CTXN2: variants seen among roughly 807,000 people sequenced by gnomAD.
CTXN2 encodes the protein cortexin 2, also known as cortexin-2.
CTXN2 carries 3 observed loss-of-function variants against 5.7 expected under a neutral mutation model. That is an observed-to-expected ratio of 0.53 (90% CI 0.24 to 1.36). CTXN2 has a LOEUF of 1.36. Ranked by LOEUF, CTXN2 falls within the 40% of genes most tolerant of loss-of-function variation. The pLI is 0.17. For synonymous variants in CTXN2, 38 were observed against 36.4 expected, an observed-to-expected ratio of 1.04 and a Z score of -0.16; for missense variants, 87 against 93.0, an observed-to-expected ratio of 0.94 and a Z score of 0.26.
At chr15:48,196,102 C>T (rs2040876781) in intron 1 of CTXN2, among the ~76,000 whole-genome samples, 1 of 152,062 alleles carries the variant, frequency 6.6e-6, no homozygotes, top group Non-Finnish European at 1.5e-5. Context: ...CACCCCTATT[C>T]AATTTAAGAC....
intron 1 of CTXN2, among the ~76,000 whole-genome samples, chr15:48,193,428 C>G (rs2040844494): frequency 6.6e-6 from 1 of 152,112 alleles, no homozygotes; most frequent in Non-Finnish European, 1.5e-5. Context: ...ACTTTTACCA[C>G]TACCCAATTT....
chr15:48,191,605 TG>T (rs888776892), upstream of CTXN2: 137 of 425,992 alleles, frequency 3.2e-4, no homozygotes, highest in African/African-American at 2.7e-3. Flanking sequence ...AAGAAATCCA[TG>T]CACGTTTTCC....
rs2040691804 is a variant in CTXN2 at position 48,180,471 on chromosome 15, G to A, written c.-455+2071G>A. ...TATTCTGTTGCTGAATTCCATTTCT[G>A]TATTTGCTTGTCTTCCTCTCTACTG... On this transcript the variant is annotated intron_variant, in intron 1 of 2. Coordinates refer to the CTXN2 transcript ENST00000644354. 2.0e-5 allele frequency among the ~76,000 whole-genome samples: 3 copies of A among 152,112 alleles called. No homozygotes were observed. The South Asian group carries it at 6.2e-4, about 31-fold the overall frequency.
At chr15:48,200,900 G>A (rs1471257064) in intron 1 of CTXN2, among the ~76,000 whole-genome samples, 5 of 152,086 alleles carry the variant, frequency 3.3e-5, no homozygotes, top group Non-Finnish European at 7.4e-5. Context: ...GCAAATATGA[G>A]GTGAAAATTA....
chr15:48,185,634 C>A (rs1223479298), intron 1 of CTXN2, among the ~76,000 whole-genome samples: 1 of 152,118 alleles, frequency 6.6e-6, no homozygotes, highest in Non-Finnish European at 1.5e-5. Flanking sequence ...ACATTTAGAA[C>A]TTCACAAATT....
At position 48,201,870 on chromosome 15, in the gene CTXN2, C is replaced by T; in HGVS notation, c.*324C>T. 3.4e-6 allele frequency: 1 copy of T among 295,758 alleles called. No homozygotes were observed. Among genetic ancestry groups the T allele is most frequent in the South Asian group, 5.0e-5 (1 of 19,860 alleles). The allele number at this position is 295,758 out of a possible 1,614,324, so 18.3% of individuals were successfully genotyped here. Reference sequence around the variant, plus strand: ...AATAAACTGTGCCAAAGGCATCTTGCTCTCTCCCCTCTGAAAAGCCCAGGC... The same window carrying T: ...AATAAACTGTGCCAAAGGCATCTTGTTCTCTCCCCTCTGAAAAGCCCAGGC... On this transcript the variant is annotated 3_prime_UTR_variant, in exon 2 of 2. Coordinates refer to ENST00000417307, the MANE Select transcript of CTXN2 (RefSeq NM_001145668.2).
intron 1 of CTXN2, among the ~76,000 whole-genome samples, chr15:48,183,077 T>C (rs1439359998): frequency 6.6e-6 from 1 of 152,166 alleles, no homozygotes; most frequent in Admixed American, 6.5e-5. Flanking sequence ...AGAATTTAGA[T>C]TGAAATACTA....
At chr15:48,189,209 G>A (rs1330711628), upstream of CTXN2, 3 of 152,100 alleles carry the variant, frequency 2.0e-5, no homozygotes, top group East Asian at 5.8e-4. Context: ...AGCATTAATG[G>A]GAAACGCTAG....
chr15:48,191,685 C>G lies in CTXN2; in HGVS notation c.-226C>G, dbSNP rs1049437148. 1 of 455,754 alleles carries G rather than the reference C, an allele frequency of 2.2e-6. No individual in the cohort carries two copies. Among genetic ancestry groups the G allele is most frequent in the African/African-American group, 2.0e-5 (1 of 50,032 alleles). The allele number at this position is 455,754 out of a possible 1,614,324, so 28.2% of individuals were successfully genotyped here. On this transcript the variant is annotated 5_prime_UTR_variant, in exon 1 of 2. Transcript: ENST00000417307. ...CCTCTGTCTCACCAACAGACACAGA[C>G]ATTTACACTTCTAGGCCAGGAAAGC...
intron 1 of CTXN2, 54 bp from the exon 2 acceptor site, chr15:48,201,190 C>T: frequency 1.8e-6 from 2 of 1,091,090 alleles, no homozygotes; most frequent in Non-Finnish European, 2.6e-6. Context: ...TAAGCAACAA[C>T]CTACCCAATA....
chr15:48,201,434 T>C lies in CTXN2; in HGVS notation c.134T>C (p.Ile45Thr), dbSNP rs1273320264. Residue 45 changes from isoleucine to threonine, a missense_variant, in exon 2 of 2, where the codon ATT becomes ACT. Physicochemically the swap from Ile to Thr is moderately conservative, Grantham distance 89. Transcript: ENST00000417307. The stretch of plus-strand genomic sequence containing the variant: ...TTGTGTATCTTCTTGGGACTTCTTA[T>C]TATCCGATGCTTCAAAATCCTGCTA... ...GILCIFLGLLIIRCFKILLDP... is the reference protein window; with the variant it reads ...GILCIFLGLLTIRCFKILLDP... 1 of 1,551,418 alleles carries C rather than the reference T, an allele frequency of 6.4e-7. No individual in the cohort carries two copies. Among genetic ancestry groups the C allele is most frequent in the Non-Finnish European group, 8.7e-7 (1 of 1,146,768 alleles).
upstream of CTXN2, chr15:48,189,555 A>T (rs1010989368): frequency 2.0e-5 from 3 of 152,204 alleles, no homozygotes; most frequent in Non-Finnish European, 4.4e-5. Flanking sequence ...GGAAATACAG[A>T]CTCAACTATA....
upstream of CTXN2, among the ~76,000 whole-genome samples, chr15:48,188,739 A>G (rs1251613736): frequency 2.0e-5 from 3 of 152,206 alleles, no homozygotes; most frequent in Non-Finnish European, 4.4e-5. Flanking sequence ...AGTATAGATT[A>G]TCCACATGTG....
intron 1 of CTXN2, among the ~76,000 whole-genome samples, chr15:48,182,620 T>C (rs1193330286): frequency 1.3e-5 from 2 of 152,244 alleles, no homozygotes; most frequent in Admixed American, 6.5e-5. Flanking sequence ...GCAGAATATA[T>C]ATATGTGTGT....
In CTXN2 at chr15:48,203,529, T is replaced by C. The variant is rs2040943938; in HGVS notation, c.*1983T>C. The C allele has an allele frequency of 6.0e-6, 1 of 166,884 alleles. No individual in the cohort carries two copies. The highest frequency in any genetic ancestry group is 6.6e-5 in the Admixed American group (1 of 15,254). 10.3% of individuals were successfully genotyped at this position (166,884 alleles called of 1,614,324 possible). On this transcript the variant is annotated 3_prime_UTR_variant, in exon 2 of 2. Coordinates refer to ENST00000417307, the MANE Select transcript of CTXN2 (RefSeq NM_001145668.2). ...ACCAAGGCTTTTAAAGTACCAGATG[T>C]TTCATTTGTCTCCCAGAGAAGACAC...
At chr15:48,196,702 A>G (rs948893809) in intron 1 of CTXN2, among the ~76,000 whole-genome samples, 1 of 152,132 alleles carries the variant, frequency 6.6e-6, no homozygotes, top group Non-Finnish European at 1.5e-5. Context: ...GGCATTACCT[A>G]TTAAACTCAT....
upstream of CTXN2, chr15:48,189,915 T>G (rs1470839907): frequency 1.3e-5 from 2 of 152,288 alleles, no homozygotes; most frequent in Non-Finnish European, 2.9e-5. Flanking sequence ...TTCAAGTGAT[T>G]CTCCTGCCTC....
rs191748978 is a variant in CTXN2, at chr15:48,201,727, C to G, written c.*181C>G. 1.3e-4 allele frequency: 83 copies of G among 661,840 alleles called. No individual in the cohort carries two copies. The East Asian group carries it at 2.2e-3, about 18-fold the overall frequency. The allele number at this position is 661,840 out of a possible 1,614,324, so 41.0% of individuals were successfully genotyped here. ...ACTATTGTTGGGATTCCTCACTTTC[C>G]TCTGTTCCCACTTAGAGGTTTCCAA... On this transcript the variant is annotated 3_prime_UTR_variant, in exon 2 of 2. Coordinates refer to ENST00000417307, the MANE Select transcript of CTXN2 (RefSeq NM_001145668.2).
chr15:48,199,889 A>C (rs1400522759), intron 1 of CTXN2, among the ~76,000 whole-genome samples: 1 of 152,214 alleles, frequency 6.6e-6, no homozygotes, highest in Non-Finnish European at 1.5e-5. Flanking sequence ...AAACAAAAAA[A>C]TCAAACAATG....
Sources: gnomAD v4.1 joint callset for allele counts (sites outside exome capture counted in the v4.1 genomes callset) on GRCh38, gnomAD v4.1.1 for gene constraint, MANE v1.5 for transcripts, NCBI Gene and HGNC (gene_info 2026-07-23, HGNC 2026-07-21) for gene names.